Variants in WIPF1 observed in about 807,000 individuals in gnomAD.
The protein encoded by WIPF1 is WAS/WASL-interacting protein family member 1.
Under a neutral mutation model 35.4 loss-of-function variants are expected in WIPF1, and 13 were observed. The ratio of observed to expected loss-of-function variants is 0.37; its 90% confidence interval spans 0.24 to 0.58. The LOEUF (loss-of-function observed/expected upper bound fraction) is 0.58, where lower values mean the gene tolerates loss of function less well. Among genes scored for constraint, WIPF1 ranks in the 20% least tolerant of loss-of-function variants. The pLI is 0.74. For synonymous variants in WIPF1, 267 were observed against 266.3 expected (o/e 1.00, Z -0.02); for missense variants, 591 against 667.0 (o/e 0.89, Z 1.25).
intron 1 of WIPF1, among the ~76,000 whole-genome samples, chr2:174,612,959 G>A (rs890228253): frequency 7.2e-5 from 11 of 152,186 alleles, no homozygotes; most frequent in Admixed American, 2.0e-4. Flanking sequence ...CATAAACCAA[G>A]GACTACCTTT....
chr2:174,570,061 A>G (rs930523770), intron 5 of WIPF1, among the ~76,000 whole-genome samples: 8 of 152,260 alleles, frequency 5.3e-5, no homozygotes, highest in African/African-American at 1.7e-4. Context: ...ATGTGTACAC[A>G]TATTTTGCTA....
rs530542574 is a variant in WIPF1 at position 174,649,636 on chromosome 2, C to T, written c.-39+33138G>A. Among the ~76,000 whole-genome samples, 8 of 152,258 alleles carry T rather than the reference C, an allele frequency of 5.3e-5. No individual in the cohort carries two copies. In the South Asian group the frequency reaches 1.7e-3, roughly 32 times the overall value. On this transcript the variant is annotated intron_variant, in intron 1 of 8. Coordinates refer to the WIPF1 transcript ENST00000272746. ...CTTGTTCCTGTTTTCTGCCTCCTGA[C>T]CACCCTGGTGTCTTTCCCATGTGGC... is the stretch of plus-strand genomic sequence containing the variant.
At chr2:174,631,423 A>G (rs146439244) in intron 1 of WIPF1, among the ~76,000 whole-genome samples, 1 of 152,342 alleles carries the variant, frequency 6.6e-6, no homozygotes, top group East Asian at 1.9e-4. Context: ...TCAAATTCAT[A>G]AAGACAGAAA....
intron 1 of WIPF1, among the ~76,000 whole-genome samples, chr2:174,594,201 G>A (rs2105864424): frequency 6.6e-6 from 1 of 152,304 alleles, no homozygotes; most frequent in African/African-American, 2.4e-5. Flanking sequence ...ACCTAGAAAT[G>A]CTTCTTTTAT....
intron 1 of WIPF1, among the ~76,000 whole-genome samples, chr2:174,654,899 A>AAAGTATGTG (rs1687610197): frequency 6.6e-6 from 1 of 152,236 alleles, no homozygotes; most frequent in Non-Finnish European, 1.5e-5. Context: ...AAAAAGGAGC[A>AAAGTATGTG]AAGTATGTGA....
chr2:174,677,417 A>G (rs112953146), intron 1 of WIPF1, among the ~76,000 whole-genome samples: 7 of 152,372 alleles, frequency 4.6e-5, no homozygotes, highest in African/African-American at 1.7e-4. Flanking sequence ...GAAAGAGCTT[A>G]CAATCTAACA....
At chr2:174,618,434 G>A (rs949051015) in intron 1 of WIPF1, among the ~76,000 whole-genome samples, 1 of 152,034 alleles carries the variant, frequency 6.6e-6, no homozygotes, top group Non-Finnish European at 1.5e-5. Context: ...GGACTTAAGA[G>A]AGGAGGGGAG....
chr2:174,646,292 C>T (rs1267889627), intron 1 of WIPF1, among the ~76,000 whole-genome samples: 1 of 152,158 alleles, frequency 6.6e-6, no homozygotes, highest in Non-Finnish European at 1.5e-5. Context: ...TATTTAGGAG[C>T]ACATCAAACG....
At chr2:174,647,093 A>C (rs1687426725) in intron 1 of WIPF1, among the ~76,000 whole-genome samples, 1 of 152,144 alleles carries the variant, frequency 6.6e-6, no homozygotes, top group Admixed American at 6.5e-5. Context: ...CTAAATTTGG[A>C]AGAGTGAGAA....
chr2:174,649,337 G>A (rs1687484784), intron 1 of WIPF1, among the ~76,000 whole-genome samples: 1 of 152,154 alleles, frequency 6.6e-6, no homozygotes, highest in Non-Finnish European at 1.5e-5. Flanking sequence ...TGCTCCTTCT[G>A]GGGCTAGCCA....
chr2:174,659,405 A>G (rs1484062394), intron 1 of WIPF1, among the ~76,000 whole-genome samples: 1 of 152,146 alleles, frequency 6.6e-6, no homozygotes, highest in East Asian at 1.9e-4. Context: ...TTTCATCAAC[A>G]CTCCAAAAGC....
At chr2:174,628,367 C>T (rs555190107) in intron 1 of WIPF1, among the ~76,000 whole-genome samples, 58 of 152,258 alleles carry the variant, frequency 3.8e-4, no homozygotes, top group African/African-American at 1.3e-3. Flanking sequence ...AGATCTTCAT[C>T]CATACTTACC....
chr2:174,636,369 A>T (rs1687182921), intron 1 of WIPF1, among the ~76,000 whole-genome samples: 1 of 152,148 alleles, frequency 6.6e-6, no homozygotes, highest in Non-Finnish European at 1.5e-5. Context: ...GCATTTAAAA[A>T]TTTTAATATA....
At chr2:174,681,125 A>C (rs926015949) in intron 1 of WIPF1, among the ~76,000 whole-genome samples, 2 of 152,224 alleles carry the variant, frequency 1.3e-5, no homozygotes, top group Non-Finnish European at 2.9e-5. Flanking sequence ...CACAACCTCA[A>C]AGAGTTGATG....
intron 1 of WIPF1, among the ~76,000 whole-genome samples, chr2:174,616,612 A>C (rs1686512983): frequency 1.3e-5 from 2 of 152,180 alleles, no homozygotes. Flanking sequence ...GATGACCAAC[A>C]TTGAATTTTC....
upstream of WIPF1, among the ~76,000 whole-genome samples, chr2:174,598,425 C>T (rs1218605884): frequency 6.6e-6 from 1 of 152,146 alleles, no homozygotes; most frequent in African/African-American, 2.4e-5. Context: ...AATCCTCCAG[C>T]CTCAGCCTCC....
At chr2:174,614,595 A>G (rs1362134923) in intron 1 of WIPF1, among the ~76,000 whole-genome samples, 1 of 152,236 alleles carries the variant, frequency 6.6e-6, no homozygotes, top group East Asian at 1.9e-4. Context: ...GAAAGGTACT[A>G]GTGCCAAGAG....
At chr2:174,630,644 G>A (rs1686990902) in intron 1 of WIPF1, 1 of 151,986 alleles carries the variant, frequency 6.6e-6, no homozygotes, top group South Asian at 2.1e-4. Flanking sequence ...GAAATAGAGG[G>A]AAATTGAAAT....
chr2:174,619,594 T>C (rs766872690), intron 1 of WIPF1, among the ~76,000 whole-genome samples: 4 of 152,236 alleles, frequency 2.6e-5, no homozygotes, highest in Admixed American at 2.6e-4. Context: ...TTAAGTTCAC[T>C]TGATACACAG....
Sources: allele counts gnomAD v4.1 joint callset (sites outside exome capture counted in the v4.1 genomes callset), GRCh38; gene constraint gnomAD v4.1.1; transcripts MANE v1.5; gene names NCBI Gene and HGNC (gene_info 2026-07-23, HGNC 2026-07-21).